The following DEK variants were observed in gnomAD, a reference collection of about 807,000 sequenced individuals.
DEK encodes protein DEK.
In DEK, 28 loss-of-function variants were observed where a neutral mutation model predicts 46.8. The observed-to-expected ratio is 0.60, with a 90% CI of 0.44 to 0.82. DEK has a LOEUF of 0.82. DEK is among the 40% of genes least tolerant of loss of function. DEK has a pLI of 0.00. For synonymous variants in DEK, 160 were observed against 144.5 expected (o/e 1.11, Z -0.77); for missense variants, 416 against 430.6 (o/e 0.97, Z 0.30).
intron 2 of DEK, among the ~76,000 whole-genome samples, chr6:18,262,963 C>T (rs1582305845): frequency 6.6e-6 from 1 of 152,132 alleles, no homozygotes; most frequent in East Asian, 1.9e-4. Context: ...AAGAGCGCTT[C>T]AACCTCTTCC....
At chr6:18,259,011 G>A (rs1561992692) in intron 2 of DEK, among the ~76,000 whole-genome samples, 2 of 152,090 alleles carry the variant, frequency 1.3e-5, no homozygotes, top group African/African-American at 4.8e-5. Flanking sequence ...ATGACCATAA[G>A]TCACTCAAAG....
intron 7 of DEK, among the ~76,000 whole-genome samples, chr6:18,241,481 T>C (rs1034089219): frequency 2.6e-5 from 4 of 152,210 alleles, no homozygotes; most frequent in African/African-American, 9.7e-5. Context: ...ATTTGATTAA[T>C]CCATACTCTC....
chr6:18,263,530 A>T (rs932848358), intron 2 of DEK, among the ~76,000 whole-genome samples: 3 of 152,134 alleles, frequency 2.0e-5, no homozygotes, highest in African/African-American at 7.2e-5. Flanking sequence ...AAAAAAAAAA[A>T]TCAAATCCAA....
At chr6:18,237,691 C>G (rs1235672116) in intron 7 of DEK, among the ~76,000 whole-genome samples, 175 bp from the exon 8 acceptor site, 1 of 152,054 alleles carries the variant, frequency 6.6e-6, no homozygotes, top group South Asian at 2.1e-4. Flanking sequence ...TATCCCAACA[C>G]AAGTCTAAGC....
At chr6:18,262,076 G>C (rs999556932) in intron 2 of DEK, among the ~76,000 whole-genome samples, 26 of 152,032 alleles carry the variant, frequency 1.7e-4, no homozygotes, top group African/African-American at 6.3e-4. Context: ...CTCAAGATTT[G>C]TTTAAAAGAG....
At chr6:18,244,676 C>T (rs780390723) in intron 7 of DEK, 1 of 689,916 alleles carries the variant, frequency 1.4e-6, no homozygotes, top group Non-Finnish European at 2.1e-6. Context: ...GCTGAGAAAA[C>T]TCAGAATGCC....
chr6:18,262,130 T>C (rs1753542914), intron 2 of DEK, among the ~76,000 whole-genome samples: 1 of 151,962 alleles, frequency 6.6e-6, no homozygotes, highest in Non-Finnish European at 1.5e-5. Context: ...CCAAATGAAA[T>C]GCCTGCTCCC....
At chr6:18,244,579 C>T (rs767967194) in intron 7 of DEK, 1 of 1,289,072 alleles carries the variant, frequency 7.8e-7, no homozygotes, top group Non-Finnish European at 1.0e-6. Flanking sequence ...AGCCAGAATT[C>T]TGTCCTCACA....
intron 7 of DEK, among the ~76,000 whole-genome samples, chr6:18,239,946 G>A (rs1377662686): frequency 6.6e-6 from 1 of 152,140 alleles, no homozygotes; most frequent in African/African-American, 2.4e-5. Flanking sequence ...AATAAAATCT[G>A]GACTTGCAGG....
At chr6:18,254,387 G>T (rs1791517739) in intron 6 of DEK, among the ~76,000 whole-genome samples, 1 of 152,118 alleles carries the variant, frequency 6.6e-6, no homozygotes, top group African/African-American at 2.4e-5. Flanking sequence ...ACTGAATGCA[G>T]AAGCAAATGG....
intron 2 of DEK, among the ~76,000 whole-genome samples, chr6:18,258,821 A>C (rs1398009580): frequency 1.3e-5 from 2 of 152,192 alleles, no homozygotes; most frequent in Non-Finnish European, 2.9e-5. Context: ...GGAGATTAAG[A>C]ACTTCAAAAG....
chr6:18,261,939 C>T lies in DEK; in HGVS notation c.145+1904G>A, dbSNP rs962460382. On this transcript the variant is annotated intron_variant, in intron 2 of 10. Coordinates refer to ENST00000652689, the MANE Select transcript of DEK (RefSeq NM_003472.4). ...AATGATATGCTTTGGATGTTTGCCCCCTCCAAATTTCGTGTTGAAAAGTGA... is the reference window on the plus strand; with the variant it reads ...AATGATATGCTTTGGATGTTTGCCCTCTCCAAATTTCGTGTTGAAAAGTGA... Among the ~76,000 whole-genome samples the T allele has an allele frequency of 8.5e-5, 13 of 152,234 alleles. No individual in the cohort carries two copies. In the South Asian group the frequency reaches 1.5e-3, roughly 17 times the overall value.
chr6:18,251,340 C>A (rs1306137121), intron 6 of DEK, among the ~76,000 whole-genome samples: 1 of 152,100 alleles, frequency 6.6e-6, no homozygotes, highest in Admixed American at 6.5e-5. Context: ...GAGACTAGAA[C>A]GACAGGTCCT....
At chr6:18,248,219 A>C (rs1237316286) in intron 7 of DEK, among the ~76,000 whole-genome samples, 2 of 152,210 alleles carry the variant, frequency 1.3e-5, no homozygotes, top group Non-Finnish European at 2.9e-5. Flanking sequence ...TGCTTATACT[A>C]ATACAGTAAT....
intron 6 of DEK, among the ~76,000 whole-genome samples, chr6:18,251,640 A>C (rs1322857987): frequency 6.6e-6 from 1 of 152,270 alleles, no homozygotes; most frequent in East Asian, 1.9e-4. Context: ...TACCATTAAC[A>C]ACTATTATCA....
chr6:18,230,055 T>G (rs980905478), intron 9 of DEK, among the ~76,000 whole-genome samples: 16 of 152,280 alleles, frequency 1.1e-4, no homozygotes, highest in African/African-American at 1.7e-4. Flanking sequence ...CAAGCCAGAA[T>G]AGAGTGAGGG....
chr6:18,263,923 T>C lies in DEK; in HGVS notation c.65A>G (p.Glu22Gly), dbSNP rs1254357747. Residue 22 changes from glutamate to glycine, a missense_variant, in exon 2 of 11, where the codon GAA becomes GGA. Transcript: ENST00000652689. ...GTPTQPASEKEPEMPGPREES... is the reference protein window; with the variant it reads ...GTPTQPASEKGPEMPGPREES... ...CTCTCTGGGACCGGGCATTTCGGGT[T>C]CTTTCTCGGACGCGGGCTGGGTGGG... 1.2e-6 allele frequency: 2 copies of C among 1,612,506 alleles called. No individual in the cohort carries two copies. Among genetic ancestry groups the C allele is most frequent in the East Asian group, 2.2e-5 (1 of 44,636 alleles).
rs1198085126 is a variant in DEK at position 18,224,871 on chromosome 6, TATATA to T, written c.*843_*847del. The T allele has an allele frequency of 2.4e-5, 5 of 211,050 alleles. No homozygotes were observed. The highest frequency in any genetic ancestry group is 4.8e-5 in the Non-Finnish European group (5 of 103,848). 13.1% of individuals were successfully genotyped at this position (211,050 alleles called of 1,614,324 possible). On this transcript the variant is annotated 3_prime_UTR_variant, in exon 11 of 11. Coordinates refer to ENST00000652689, the MANE Select transcript of DEK (RefSeq NM_003472.4). ...GATAGGTTGATTTTTGGTCTGTCCT[TATATA>T]ATATAAAACGTACCTACAGACACTT... is the stretch of plus-strand genomic sequence containing the variant.
chr6:18,259,430 A>AAAAAATAAATAAAT (rs1554162685), intron 2 of DEK, among the ~76,000 whole-genome samples: 1 of 96,742 alleles, frequency 1.0e-5, no homozygotes, highest in Non-Finnish European at 2.4e-5. Flanking sequence ...AAAAAAAAAA[A>AAAAAATAAATAAAT]AAATCTAGAA....
Sources: gnomAD v4.1 joint callset for allele counts (sites outside exome capture counted in the v4.1 genomes callset) on GRCh38, gnomAD v4.1.1 for gene constraint, MANE v1.5 for transcripts, NCBI Gene and HGNC (gene_info 2026-07-23, HGNC 2026-07-21) for gene names.